PTGES3: variants seen among roughly 807,000 people sequenced by gnomAD.
The protein encoded by PTGES3 is prostaglandin E synthase 3.
Under a neutral mutation model 29.9 loss-of-function variants are expected in PTGES3, and 5 were observed. The observed-to-expected ratio is 0.17, with a 90% CI of 0.09 to 0.35. The LOEUF (loss-of-function observed/expected upper bound fraction) is 0.35, where lower values mean the gene tolerates loss of function less well. PTGES3 is among the 10% of genes least tolerant of loss of function. The probability of loss-of-function intolerance (pLI) is 1.00; values close to 1 mark genes in which losing one functional copy is unlikely to be tolerated. For synonymous variants in PTGES3, 49 were observed against 57.8 expected (o/e 0.85, Z 0.69); for missense variants, 128 against 190.0 (o/e 0.67, Z 1.92).
rs768260199 is a variant in PTGES3, at chr12:56,664,455, A to G, written c.*24T>C. 6.3e-6 allele frequency: 10 copies of G among 1,599,732 alleles called. No individual in the cohort carries two copies. The African/African-American group carries it at 1.2e-4, about 19-fold the overall frequency. Reference sequence around the variant, plus strand: ...GCAGAGAAGTTATTTTTCTTTCTCAAAATCCAGGTGATGACAATATTCCTT... The same window carrying G: ...GCAGAGAAGTTATTTTTCTTTCTCAGAATCCAGGTGATGACAATATTCCTT... On this transcript the variant is annotated 3_prime_UTR_variant, in exon 8 of 8. Transcript: ENST00000262033.
intron 3 of PTGES3, among the ~76,000 whole-genome samples, chr12:56,672,329 A>T (rs1035627178): frequency 6.6e-5 from 10 of 152,080 alleles, no homozygotes; most frequent in African/African-American, 2.4e-4. Flanking sequence ...CATGGTCTTT[A>T]CTAAAAACAC....
chr12:56,668,277 ACTTTAAGT>A (rs1379038096), intron 5 of PTGES3, among the ~76,000 whole-genome samples: 1 of 152,246 alleles, frequency 6.6e-6, no homozygotes. Flanking sequence ...ACTACTCAAT[ACTTTAAGT>A]TTCTTTGGGC....
intron 1 of PTGES3, among the ~76,000 whole-genome samples, chr12:56,678,505 T>C (rs982347711): frequency 6.6e-6 from 1 of 152,178 alleles, no homozygotes; most frequent in African/African-American, 2.4e-5. Context: ...AAAATGTGCA[T>C]TGCACATAGT....
At chr12:56,684,567 G>A (rs1952734948) in intron 1 of PTGES3, among the ~76,000 whole-genome samples, 1 of 152,190 alleles carries the variant, frequency 6.6e-6, no homozygotes, top group Non-Finnish European at 1.5e-5. Context: ...AGAGACGCAA[G>A]TTTCTGGACA....
At chr12:56,672,687 T>C in intron 3 of PTGES3, 53 bp downstream of exon 3, 1 of 1,485,558 alleles carries the variant, frequency 6.7e-7, no homozygotes, top group South Asian at 1.4e-5. Context: ...GAATACTTGG[T>C]ATGTCTGTTT....
chr12:56,679,694 C>A (rs1379406056), intron 1 of PTGES3, among the ~76,000 whole-genome samples: 2 of 151,874 alleles, frequency 1.3e-5, no homozygotes, highest in Non-Finnish European at 2.9e-5. Context: ...TAGACGGAGT[C>A]TCACTCTGTC....
At chr12:56,687,632 G>A (rs1362720304) in intron 1 of PTGES3, 7 of 1,158,842 alleles carry the variant, frequency 6.0e-6, no homozygotes, top group Admixed American at 4.7e-5. Flanking sequence ...CGCCCAAGCA[G>A]CCGAGAGGCG....
intron 5 of PTGES3, among the ~76,000 whole-genome samples, chr12:56,667,032 G>A (rs1383330532): frequency 6.6e-6 from 1 of 152,174 alleles, no homozygotes; most frequent in African/African-American, 2.4e-5. Context: ...GGAGTCTCCT[G>A]CCTCAGCTTC....
At chr12:56,671,505 C>T (rs1409195400) in intron 4 of PTGES3, among the ~76,000 whole-genome samples, 4 of 152,176 alleles carry the variant, frequency 2.6e-5, no homozygotes, top group East Asian at 1.9e-4. Context: ...TGTCCCCTCC[C>T]ATGTGATAGC....
At chr12:56,685,399 C>CTTTTT (rs143526249) in intron 1 of PTGES3, among the ~76,000 whole-genome samples, 6 of 131,152 alleles carry the variant, frequency 4.6e-5, no homozygotes, top group Non-Finnish European at 4.7e-5. Context: ...TTTTTCTTTT[C>CTTTTT]TTTTTTTTTT....
chr12:56,687,950 G>A (rs1457678779), intron 1 of PTGES3, 48 bp downstream of exon 1: 15 of 1,603,402 alleles, frequency 9.4e-6, no homozygotes, highest in Non-Finnish European at 1.3e-5. Context: ...CCCCAACGCG[G>A]CCTCGGCCTC....
rs1952327775 is a variant in PTGES3, at chr12:56,677,813, G to A, written c.3-4748C>T. The stretch of plus-strand genomic sequence containing the variant: ...CAACCTGAAACTAATAGTTTGCTTA[G>A]TGTCTTGGCTTATGTTGAGTATCAC... On this transcript the variant is annotated intron_variant, in intron 1 of 7. Coordinates refer to ENST00000262033, the MANE Select transcript of PTGES3 (RefSeq NM_006601.7). Among the ~76,000 whole-genome samples, 7 of 152,198 alleles carry A rather than the reference G, an allele frequency of 4.6e-5. No individual in the cohort carries two copies. In the South Asian group the frequency reaches 1.5e-3, roughly 32 times the overall value.
At chr12:56,673,789 C>CAAAA (rs57371154) in intron 1 of PTGES3, among the ~76,000 whole-genome samples, 3 of 92,380 alleles carry the variant, frequency 3.2e-5, no homozygotes, top group Non-Finnish European at 6.5e-5. Context: ...GAGACTGTCT[C>CAAAA]AAAAAAAAAA....
chr12:56,679,341 A>G (rs1952418564), intron 1 of PTGES3, among the ~76,000 whole-genome samples: 1 of 132,352 alleles, frequency 7.6e-6, no homozygotes, highest in Admixed American at 9.2e-5. Context: ...CAGGAGGCGG[A>G]GGCTACAGTG....
At chr12:56,676,082 C>A (rs1269481033) in intron 1 of PTGES3, among the ~76,000 whole-genome samples, 2 of 148,818 alleles carry the variant, frequency 1.3e-5, no homozygotes, top group African/African-American at 2.5e-5. Flanking sequence ...CAAAATTAGC[C>A]AGGCGAGGTG....
chr12:56,664,535 A>C (rs1280888954), intron 7 of PTGES3, 37 bp from the exon 8 acceptor site: 1 of 1,564,570 alleles, frequency 6.4e-7, no homozygotes, highest in African/African-American at 1.4e-5. Context: ...ATATAGTACA[A>C]GTGAATAATC....
intron 1 of PTGES3, among the ~76,000 whole-genome samples, chr12:56,674,816 A>C (rs1205574129): frequency 1.0e-5 from 1 of 99,584 alleles, no homozygotes; most frequent in African/African-American, 3.9e-5. Context: ...ACAGAGCAAG[A>C]CTCCATCTCA....
chr12:56,665,554 A>G (rs1323607419), intron 6 of PTGES3: 1 of 985,024 alleles, frequency 1.0e-6, no homozygotes, highest in African/African-American at 1.7e-5. Context: ...CCGCCTCCCA[A>G]TGTCCATCTG....
intron 1 of PTGES3, among the ~76,000 whole-genome samples, chr12:56,683,399 G>C (rs1045260946): frequency 5.5e-5 from 8 of 146,572 alleles, no homozygotes; most frequent in African/African-American, 2.0e-4. Context: ...CTTGAACACA[G>C]GAGGCGGAGG....
Sources: gnomAD v4.1 joint callset for allele counts (sites outside exome capture counted in the v4.1 genomes callset) on GRCh38, gnomAD v4.1.1 for gene constraint, MANE v1.5 for transcripts, NCBI Gene and HGNC (gene_info 2026-07-23, HGNC 2026-07-21) for gene names.